The following OLFML1 variants were observed in gnomAD, a reference collection of about 807,000 sequenced individuals.
The protein encoded by OLFML1 is olfactomedin like 1, also known as olfactomedin-like protein 1.
OLFML1 carries 33 observed loss-of-function variants against 37.3 expected under a neutral mutation model. The observed-to-expected ratio is 0.88, with a 90% confidence interval of 0.67 to 1.18. The LOEUF is 1.18. Ranked by LOEUF, OLFML1 falls within the 50% of genes most tolerant of loss-of-function variation. The pLI, the probability that OLFML1 is intolerant of heterozygous loss-of-function variation, is 0.00. For missense variants in OLFML1, 545 were observed against 483.7 expected (o/e 1.13, Z -1.19); for synonymous variants, 186 against 181.3 (o/e 1.03, Z -0.21).
chr11:7,508,110 A>G (rs926068353), intron 2 of OLFML1, among the ~76,000 whole-genome samples: 4 of 152,200 alleles, frequency 2.6e-5, no homozygotes, highest in African/African-American at 9.7e-5. Flanking sequence ...AAGAAAATAG[A>G]TATACGGTTC....
chr11:7,495,718 C>A (rs1848654145), intron 2 of OLFML1, among the ~76,000 whole-genome samples: 1 of 152,204 alleles, frequency 6.6e-6, no homozygotes, highest in Non-Finnish European at 1.5e-5. Flanking sequence ...ATGGAGGGAA[C>A]TATTTGCCAG....
chr11:7,498,392 T>C (rs373216561), intron 2 of OLFML1, among the ~76,000 whole-genome samples: 45 of 152,228 alleles, frequency 3.0e-4, no homozygotes, highest in African/African-American at 9.4e-4. Flanking sequence ...TAGTGACTAG[T>C]GTGATGAGGA....
chr11:7,495,205 G>C (rs903234319), intron 2 of OLFML1, among the ~76,000 whole-genome samples: 2 of 152,034 alleles, frequency 1.3e-5, no homozygotes, highest in Non-Finnish European at 2.9e-5. Flanking sequence ...CCTCCTCGCT[G>C]ACCTTCCTGC....
At chr11:7,504,646 G>A (rs1468995423) in intron 2 of OLFML1, 2 of 152,166 alleles carry the variant, frequency 1.3e-5, no homozygotes, top group Non-Finnish European at 2.9e-5. Context: ...ATCTCCATGC[G>A]AGGGTATGAC....
intron 2 of OLFML1, among the ~76,000 whole-genome samples, chr11:7,506,532 T>C (rs1035023121): frequency 4.6e-5 from 7 of 151,996 alleles, no homozygotes; most frequent in Non-Finnish European, 8.8e-5. Flanking sequence ...GTGGGGAAGA[T>C]ATAAGATAGC....
At chr11:7,487,540 T>C (rs934105102) in intron 1 of OLFML1, among the ~76,000 whole-genome samples, 1 of 152,254 alleles carries the variant, frequency 6.6e-6, no homozygotes, top group Non-Finnish European at 1.5e-5. Context: ...AGCAAATATT[T>C]ATTGAATAGT....
At chr11:7,503,845 G>A (rs1045338696) in intron 2 of OLFML1, among the ~76,000 whole-genome samples, 1 of 152,172 alleles carries the variant, frequency 6.6e-6, no homozygotes, top group Non-Finnish European at 1.5e-5. Context: ...GCAGTTTGTT[G>A]ATGGATTTGG....
intron 2 of OLFML1, among the ~76,000 whole-genome samples, chr11:7,500,348 T>C (rs868798214): frequency 1.4e-4 from 22 of 152,206 alleles, no homozygotes; most frequent in African/African-American, 4.8e-4. Flanking sequence ...TCAAGTCCCA[T>C]AGTCTGTGAC....
intron 2 of OLFML1, among the ~76,000 whole-genome samples, chr11:7,507,094 T>C (rs1041564722): frequency 6.6e-6 from 1 of 152,124 alleles, no homozygotes; most frequent in Non-Finnish European, 1.5e-5. Context: ...TGATTTAGAC[T>C]GGGAGGAGTT....
At chr11:7,503,011 C>A (rs1014293762) in intron 2 of OLFML1, among the ~76,000 whole-genome samples, 2 of 152,178 alleles carry the variant, frequency 1.3e-5, no homozygotes, top group Non-Finnish European at 2.9e-5. Context: ...GTTTATGGAT[C>A]TTGCCTGAAA....
chr11:7,495,202 G>A (rs1164389125), intron 2 of OLFML1, among the ~76,000 whole-genome samples: 2 of 151,888 alleles, frequency 1.3e-5, no homozygotes, highest in East Asian at 3.9e-4. Context: ...AAGCCTCCTC[G>A]CTGACCTTCC....
At chr11:7,488,078 G>T in intron 1 of OLFML1, 49 bp from the exon 2 acceptor site, 2 of 1,325,480 alleles carry the variant, frequency 1.5e-6, no homozygotes, top group Non-Finnish European at 2.1e-6. Context: ...TATTATTTGG[G>T]TAATTTAAAT....
intron 2 of OLFML1, among the ~76,000 whole-genome samples, chr11:7,494,852 G>C (rs1848641831): frequency 6.6e-6 from 1 of 152,186 alleles, no homozygotes; most frequent in East Asian, 1.9e-4. Flanking sequence ...TGAAGACCAT[G>C]TTAGTTTTCT....
At chr11:7,500,375 C>T (rs945809787) in intron 2 of OLFML1, among the ~76,000 whole-genome samples, 3 of 152,186 alleles carry the variant, frequency 2.0e-5, no homozygotes, top group African/African-American at 4.8e-5. Context: ...CCAGAGAGCC[C>T]ATTGCCCTCA....
intron 2 of OLFML1, among the ~76,000 whole-genome samples, chr11:7,505,485 C>G (rs571666713): frequency 3.6e-4 from 55 of 152,282 alleles, no homozygotes; most frequent in African/African-American, 1.3e-3. Context: ...TCCCTGCTTC[C>G]ATGACACTAC....
intron 2 of OLFML1, among the ~76,000 whole-genome samples, chr11:7,499,703 G>A (rs532508534): frequency 6.6e-6 from 1 of 152,256 alleles, no homozygotes; most frequent in South Asian, 2.1e-4. Flanking sequence ...AGGAACATGG[G>A]GGGAATTCTG....
At position 7,486,054 on chromosome 11, in the gene OLFML1, C is replaced by G. The variant is rs761545254; in HGVS notation, c.129+50C>G. 23 of 1,568,822 alleles carry G rather than the reference C, an allele frequency of 1.5e-5. 1 individual carries two copies. The South Asian group carries it at 2.4e-4, about 16-fold the overall frequency. ...ATAAGTAACAGGCTTCCCAGAAGTA[C>G]CTTATTTTTACCCATGCTTCTCTAT... On this transcript the variant is annotated intron_variant, in intron 1 of 2. Transcript: ENST00000329293.
At position 7,510,665 on chromosome 11, in the gene OLFML1, CTTTCT is replaced by C. The variant is rs557198765; in HGVS notation, c.*491_*495del. The C allele has an allele frequency of 3.3e-3, 500 of 153,174 alleles. No individual in the cohort carries two copies. Among genetic ancestry groups the C allele is most frequent in the Middle Eastern group, 6.8e-3 (2 of 294 alleles). The allele number at this position is 153,174 out of a possible 1,614,324, so 9.5% of individuals were successfully genotyped here. Reference sequence around the variant, plus strand: ...CCCAACTAAAATACTATTAATATTTCTTTCTTTTCTTTTCTTTTTTTTGAGACAAG... The same window carrying C: ...CCCAACTAAAATACTATTAATATTTCTTTCTTTTCTTTTTTTTGAGACAAG... On this transcript the variant is annotated 3_prime_UTR_variant, in exon 3 of 3. Transcript: ENST00000329293.
At chr11:7,507,243 A>AG (rs1848796252) in intron 2 of OLFML1, among the ~76,000 whole-genome samples, 1 of 152,206 alleles carries the variant, frequency 6.6e-6, no homozygotes, top group Non-Finnish European at 1.5e-5. Context: ...CCTTTCTTCC[A>AG]GTTTAGATCC....
Sources: allele counts gnomAD v4.1 joint callset (sites outside exome capture counted in the v4.1 genomes callset), GRCh38; gene constraint gnomAD v4.1.1; transcripts MANE v1.5; gene names NCBI Gene and HGNC (gene_info 2026-07-23, HGNC 2026-07-21).